The following EP400 variants were observed in gnomAD, a reference collection of about 807,000 sequenced individuals.
EP400 encodes the protein E1A binding protein p400, also known as E1A-binding protein p400.
A neutral mutation model predicts 354.1 loss-of-function variants in EP400; 105 were observed. That is an observed-to-expected ratio of 0.30 (90% CI 0.25 to 0.35). The LOEUF is 0.35. Ranked by LOEUF, EP400 falls within the 10% of genes least tolerant of loss-of-function variation. The probability of loss-of-function intolerance (pLI) is 1.00; values close to 1 mark genes in which losing one functional copy is unlikely to be tolerated. For missense variants in EP400, 3,280 were observed against 4,121.0 expected (o/e 0.80, Z 5.59); for synonymous variants, 1,646 against 1,716.9 (o/e 0.96, Z 1.02).
chr12:131,982,046 T>A (rs1694528211), intron 4 of EP400, 47 bp from the exon 5 acceptor site: 1 of 1,498,590 alleles, frequency 6.7e-7, no homozygotes. Flanking sequence ...TGGTAGAAGC[T>A]GCCACACTTG....
In EP400 at chr12:131,960,832, C is replaced by A; in HGVS notation, c.213C>A (p.Asn71Lys). The change falls in exon 2 of 53, where the codon AAC becomes AAA. Residue 71 changes from asparagine to lysine, a missense_variant. Physicochemically the swap from Asn to Lys is moderately conservative, Grantham distance 94. Coordinates refer to ENST00000389561, the MANE Select transcript of EP400 (RefSeq NM_015409.5). The part of the protein sequence containing the change: ...LMNRSPATGQ[N>K]VNITLQSVGP... ...ATAGGAGCCCTGCAACCGGGCAGAA[C>A]GTGAACATCACCCTGCAGAGCGTGG... The A allele has an allele frequency of 1.9e-6, 3 of 1,613,748 alleles. No homozygotes were observed. The highest frequency in any genetic ancestry group is 2.5e-6 in the Non-Finnish European group (3 of 1,179,988).
chr12:132,059,288 C>A (rs924660016), intron 45 of EP400, among the ~76,000 whole-genome samples: 2 of 152,046 alleles, frequency 1.3e-5, no homozygotes, highest in Admixed American at 1.3e-4. Context: ...CAGGAGTGAA[C>A]CAGAAGCAGA....
At chr12:132,053,686 C>G in intron 43 of EP400, 89 bp downstream of exon 43, 1 of 1,366,034 alleles carries the variant, frequency 7.3e-7, no homozygotes, top group African/African-American at 1.5e-5. Context: ...GAAACGAAGA[C>G]TTGTTGCCAG....
chr12:132,065,250 A>C, intron 48 of EP400: 1 of 289,970 alleles, frequency 3.4e-6, no homozygotes, highest in Non-Finnish European at 6.6e-6. Context: ...AGCCGTAGGC[A>C]TGGGCAGGTG....
intron 52 of EP400, 76 bp from the exon 53 acceptor site, chr12:132,077,325 C>T (rs924670930): frequency 6.5e-7 from 1 of 1,532,222 alleles, no homozygotes; most frequent in Non-Finnish European, 8.8e-7. Context: ...TCCTCCCCAT[C>T]CCAAAGAACG....
intron 12 of EP400, among the ~76,000 whole-genome samples, chr12:132,004,004 A>G (rs1429948562): frequency 6.6e-6 from 1 of 151,286 alleles, no homozygotes; most frequent in Non-Finnish European, 1.5e-5. Context: ...AGCCCAACTA[A>G]AGGGTTTTCC....
rs1593370956 is a variant in EP400 at position 132,045,649 on chromosome 12, C to G, written c.7027-78C>G. On this transcript the variant is annotated intron_variant, in intron 38 of 52. Coordinates refer to ENST00000389561, the MANE Select transcript of EP400 (RefSeq NM_015409.5). ...CATCCAGCTCACTGTGATCACTTTG[C>G]AGGGAGTCTTTGGCAAGAGGGAAGA... The G allele has an allele frequency of 3.7e-6, 6 of 1,602,810 alleles. No homozygotes were observed. The East Asian group carries it at 1.3e-4, about 36-fold the overall frequency.
At chr12:132,076,468 C>A in intron 51 of EP400, 48 bp from the exon 52 acceptor site, 2 of 1,573,716 alleles carry the variant, frequency 1.3e-6, no homozygotes, top group Non-Finnish European at 1.7e-6. Flanking sequence ...TCTTTTTGTG[C>A]ACATACTCCT....
intron 2 of EP400, among the ~76,000 whole-genome samples, chr12:131,967,146 G>A (rs551026697): frequency 9.3e-5 from 14 of 151,030 alleles, no homozygotes; most frequent in African/African-American, 2.2e-4. Flanking sequence ...TTGGGAGGCC[G>A]AAGGGGGGCG....
chr12:131,964,410 T>A (rs192666144), intron 2 of EP400, among the ~76,000 whole-genome samples: 44 of 152,298 alleles, frequency 2.9e-4, no homozygotes, highest in African/African-American at 1.0e-3. Flanking sequence ...GAGGTTGCAG[T>A]GAGCCGAGAT....
At chr12:131,985,974 T>C (rs955166855) in intron 5 of EP400, among the ~76,000 whole-genome samples, 3 of 152,130 alleles carry the variant, frequency 2.0e-5, no homozygotes, top group African/African-American at 7.2e-5. Context: ...TTGTATTTTA[T>C]TTTATTTTAT....
intron 10 of EP400, 120 bp downstream of exon 10, chr12:131,991,576 C>CA: frequency 3.4e-6 from 2 of 592,710 alleles, no homozygotes; most frequent in Non-Finnish European, 5.5e-6. Context: ...CCTTTCTTTT[C>CA]TTTTTTTTTT....
intron 21 of EP400, among the ~76,000 whole-genome samples, chr12:132,019,303 A>G (rs956844730): frequency 2.6e-5 from 4 of 152,188 alleles, no homozygotes; most frequent in Non-Finnish European, 5.9e-5. Flanking sequence ...TGGTCCCCCA[A>G]AGTGGTAGAA....
intron 47 of EP400, among the ~76,000 whole-genome samples, chr12:132,064,357 A>T (rs1895815214): frequency 1.3e-5 from 2 of 152,266 alleles, no homozygotes; most frequent in Non-Finnish European, 2.9e-5. Flanking sequence ...ATGTTTTTTG[A>T]ACTTCAAATA....
At chr12:132,066,705 G>A (rs954853758) in intron 48 of EP400, 69 bp from the exon 49 acceptor site, 11 of 1,478,364 alleles carry the variant, frequency 7.4e-6, no homozygotes, top group Non-Finnish European at 1.0e-5. Flanking sequence ...ACCTCTTGTG[G>A]AGAAGTATTT....
In EP400 at chr12:132,062,462, A is replaced by G. The variant is rs1305894629; in HGVS notation, c.8099-4A>G. 3.7e-5 allele frequency: 59 copies of G among 1,613,032 alleles called. No individual in the cohort carries two copies. The highest frequency in any genetic ancestry group is 4.9e-5 in the Non-Finnish European group (58 of 1,180,004). On this transcript the variant is annotated splice_polypyrimidine_tract_variant and splice_region_variant and intron_variant, in intron 46 of 52. Transcript: ENST00000389561. ...CCAGACCTAATGAGCAAACCTCTTC[A>G]TAGCCACAGGAGTTCAGCTCCCTGG... is the stretch of plus-strand genomic sequence containing the variant.
intron 11 of EP400, among the ~76,000 whole-genome samples, chr12:131,992,872 G>T (rs915359452): frequency 3.3e-5 from 5 of 152,190 alleles, no homozygotes; most frequent in African/African-American, 9.6e-5. Flanking sequence ...ATCAGCATCA[G>T]TGTGGTTTTA....
chr12:132,026,169 C>T (rs899484089), intron 25 of EP400, among the ~76,000 whole-genome samples: 1 of 152,154 alleles, frequency 6.6e-6, no homozygotes, highest in African/African-American at 2.4e-5. Flanking sequence ...GTTCTTTGTC[C>T]GGCCCGAGCT....
Position 132,025,556 on chromosome 12 carries a change from C to CT in EP400, c.4856-88dup. ...GTAGATTTGATTTTCAGTTTGTCAA[C>CT]TTATTTTTGTACTGTTTGGAAGTGC... On this transcript the variant is annotated intron_variant, in intron 24 of 52. Transcript: ENST00000389561. The surrounding 1 kb of genome is among the most constrained non-coding windows in gnomAD (Gnocchi z 4.1). The CT allele has an allele frequency of 7.5e-7, 1 of 1,338,874 alleles. No individual in the cohort carries two copies. The allele number at this position is 1,338,874 out of a possible 1,614,324, so 82.9% of individuals were successfully genotyped here.
Sources: gnomAD v4.1 joint callset for allele counts (sites outside exome capture counted in the v4.1 genomes callset) on GRCh38, gnomAD v4.1.1 for gene constraint, Gnocchi (gnomAD v3.1) non-coding constraint, MANE v1.5 for transcripts, NCBI Gene and HGNC (gene_info 2026-07-23, HGNC 2026-07-21) for gene names.